The following EIF4E1B variants were observed in gnomAD, a reference collection of about 807,000 sequenced individuals.
EIF4E1B encodes the protein eukaryotic translation initiation factor 4E type 1B.
A neutral mutation model predicts 31.3 loss-of-function variants in EIF4E1B; 22 were observed. That is an observed-to-expected ratio of 0.70 (90% CI 0.50 to 1.00). The LOEUF (loss-of-function observed/expected upper bound fraction) is 1.00, where lower values mean the gene tolerates loss of function less well. Among genes scored for constraint, EIF4E1B ranks in the 50% least tolerant of loss-of-function variants. The pLI is 0.00. For synonymous variants in EIF4E1B, 126 were observed against 120.2 expected (o/e 1.05, Z -0.31); for missense variants, 290 against 311.6 (o/e 0.93, Z 0.52).
intron 1 of EIF4E1B, chr5:176,641,747 T>G (rs1760582836): frequency 6.6e-6 from 1 of 152,488 alleles, no homozygotes; most frequent in Admixed American, 6.5e-5. Context: ...AGCAGGGCCT[T>G]TTATACGTCT....
rs1430765317 is a variant in EIF4E1B, at chr5:176,644,482, G to A, written c.360+43G>A. ...CTTTCCCTCCCGCAAAGGGACAAGG[G>A]GTTGATCCCTCCCGGACTCCACTGC... On this transcript the variant is annotated intron_variant, in intron 6 of 8. Transcript: ENST00000318682. 5.1e-6 allele frequency: 8 copies of A among 1,554,960 alleles called. No individual in the cohort carries two copies. The South Asian group carries it at 8.3e-5, about 16-fold the overall frequency.
At position 176,645,392 on chromosome 5, in the gene EIF4E1B, G is replaced by T. The variant is rs773730956; in HGVS notation, c.490G>T (p.Gly164Trp). The change falls in exon 8 of 9, where the codon GGG (glycine) becomes TGG (tryptophan). Residue 164 changes from glycine (G) to tryptophan (W), a missense_variant. Physicochemically the swap from Gly to Trp is radical, Grantham distance 184. Coordinates refer to ENST00000318682, the MANE Select transcript of EIF4E1B (RefSeq NM_001099408.2). The surrounding 1 kb of genome is among the most constrained non-coding windows in gnomAD (Gnocchi z 5.4). ...LWLETLLCLI[G>W]ESFEEHSREV... Reference sequence around the variant, plus strand: ...TCGGGTCCAGCTGCTGTGTCTGATCGGGGAGAGCTTTGAGGAACACAGCAG... The same window carrying T: ...TCGGGTCCAGCTGCTGTGTCTGATCTGGGAGAGCTTTGAGGAACACAGCAG... 3 of 1,529,740 alleles carry T rather than the reference G, an allele frequency of 2.0e-6. No individual in the cohort carries two copies. Among genetic ancestry groups the T allele is most frequent in the South Asian group, 1.3e-5 (1 of 77,824 alleles). 94.8% of individuals were successfully genotyped at this position (1,529,740 alleles called of 1,614,324 possible). A position where few individuals can be genotyped will look rare whatever the true frequency, so the allele number is the denominator to read the frequency against.
chr5:176,645,389 A>T lies in EIF4E1B; in HGVS notation c.487A>T (p.Ile163Phe), dbSNP rs974918867. 2 of 1,529,576 alleles carry T rather than the reference A, an allele frequency of 1.3e-6. No homozygotes were observed. Among genetic ancestry groups the T allele is most frequent in the Middle Eastern group, 1.8e-4 (1 of 5,706 alleles). 94.8% of individuals were successfully genotyped at this position (1,529,576 alleles called of 1,614,324 possible). A position where few individuals can be genotyped will look rare whatever the true frequency, so the allele number is the denominator to read the frequency against. Reference sequence around the variant, plus strand: ...ACTTCGGGTCCAGCTGCTGTGTCTGATCGGGGAGAGCTTTGAGGAACACAG... The same window carrying T: ...ACTTCGGGTCCAGCTGCTGTGTCTGTTCGGGGAGAGCTTTGAGGAACACAG... Reference protein sequence around the residue: ...RLWLETLLCLIGESFEEHSRE... With the variant: ...RLWLETLLCLFGESFEEHSRE... The change falls in exon 8 of 9, where the codon ATC becomes TTC. Residue 163 changes from isoleucine to phenylalanine, a missense_variant. Ile to Phe is a conservative substitution (Grantham distance 21). Transcript: ENST00000318682. The surrounding 1 kb of genome is among the most constrained non-coding windows in gnomAD (Gnocchi z 5.4).
rs574266946 is a variant in EIF4E1B, at chr5:176,643,752, G to C, written c.296+18G>C. 2 of 1,605,726 alleles carry C rather than the reference G, an allele frequency of 1.2e-6. No individual in the cohort carries two copies. Among genetic ancestry groups the C allele is most frequent in the South Asian group, 2.2e-5 (2 of 89,558 alleles). ...TTCTGGGCGTGAGTGTCTGTCCCCA[G>C]TGGGGCTAGAGTTGGGGGGCTCTGA... On this transcript the variant is annotated intron_variant, in intron 5 of 8. Transcript: ENST00000318682.
intron 1 of EIF4E1B, among the ~76,000 whole-genome samples, chr5:176,640,557 C>G (rs1760556524): frequency 6.6e-6 from 1 of 152,206 alleles, no homozygotes; most frequent in Admixed American, 6.5e-5. Context: ...TATCATCTCT[C>G]CATCTTCTCT....
chr5:176,644,947 G>C (rs569703985), intron 6 of EIF4E1B, among the ~76,000 whole-genome samples, 183 bp from the exon 7 acceptor site: 2 of 152,340 alleles, frequency 1.3e-5, no homozygotes, highest in Non-Finnish European at 2.9e-5. Context: ...AAGGTGACCA[G>C]TGCTGTCTGT....
At chr5:176,642,607 C>A in intron 2 of EIF4E1B, 103 bp from the exon 3 acceptor site, 2 of 950,012 alleles carry the variant, frequency 2.1e-6, no homozygotes, top group Non-Finnish European at 3.1e-6. Context: ...TCTGCTTCTG[C>A]CATCGGCAGG....
intron 2 of EIF4E1B, 131 bp downstream of exon 2, chr5:176,642,296 T>C (rs918300575): frequency 3.3e-5 from 5 of 153,408 alleles, no homozygotes; most frequent in African/African-American, 1.2e-4. Context: ...TGAATCTTAG[T>C]ATAAAACCCC....
chr5:176,646,180 T>G lies in EIF4E1B; in HGVS notation c.*200T>G. On this transcript the variant is annotated 3_prime_UTR_variant, in exon 9 of 9. Transcript: ENST00000318682. Reference sequence around the variant, plus strand: ...GGGTAGTGGTGGCAGTCTGAGGACCTAGCTTGTCCTGGGGCCACAGGACAG... The same window carrying G: ...GGGTAGTGGTGGCAGTCTGAGGACCGAGCTTGTCCTGGGGCCACAGGACAG... The G allele has an allele frequency of 1.8e-6, 1 of 542,770 alleles. No homozygotes were observed. The highest frequency in any genetic ancestry group is 3.0e-5 in the East Asian group (1 of 33,700). 33.6% of individuals were successfully genotyped at this position (542,770 alleles called of 1,614,324 possible).
rs1417324570 is a variant in EIF4E1B, at chr5:176,642,054, G to A, written c.-190G>A. ...TTTTCATTTTACAGATGGGGAAACT[G>A]ACTCGATGAAGCTCAGGCCTGGCCG... On this transcript the variant is annotated 5_prime_UTR_variant, in exon 2 of 9. Transcript: ENST00000318682. 6.5e-6 allele frequency: 1 copy of A among 152,688 alleles called. No individual in the cohort carries two copies. The highest frequency in any genetic ancestry group is 1.5e-5 in the Non-Finnish European group (1 of 68,072). 9.5% of individuals were successfully genotyped at this position (152,688 alleles called of 1,614,324 possible).
chr5:176,637,579 G>T (rs531254819), intron 1 of EIF4E1B, among the ~76,000 whole-genome samples: 10 of 152,336 alleles, frequency 6.6e-5, no homozygotes, highest in Admixed American at 6.5e-4. Flanking sequence ...ACTGGGCTGA[G>T]GGGGGTTGGA....
chr5:176,646,014 C>A lies in EIF4E1B; in HGVS notation c.*34C>A. 6.5e-7 allele frequency: 1 copy of A among 1,534,800 alleles called. No individual in the cohort carries two copies. The highest frequency in any genetic ancestry group is 8.9e-7 in the Non-Finnish European group (1 of 1,128,738). On this transcript the variant is annotated 3_prime_UTR_variant, in exon 9 of 9. Coordinates refer to ENST00000318682, the MANE Select transcript of EIF4E1B (RefSeq NM_001099408.2). ...TTGGCACCCCTCCTATGTAATGGGA[C>A]AGCCGCCACTGAGCCTCATTACTTT... is the stretch of plus-strand genomic sequence containing the variant.
Position 176,640,476 on chromosome 5 carries a change from C to T in EIF4E1B, c.-201-1567C>T, listed in dbSNP as rs1384223618. On this transcript the variant is annotated intron_variant, in intron 1 of 8. Coordinates refer to ENST00000318682, the MANE Select transcript of EIF4E1B (RefSeq NM_001099408.2). Reference sequence around the variant, plus strand: ...AGCAATAGATAAGTGGGACACAGTGCTTCACCCCTCCAGGGCCTATCTATC... The same window carrying T: ...AGCAATAGATAAGTGGGACACAGTGTTTCACCCCTCCAGGGCCTATCTATC... 2.3e-4 allele frequency among the ~76,000 whole-genome samples: 35 copies of T among 152,198 alleles called. 1 individual carries two copies.
rs545003292 is a variant in EIF4E1B at position 176,646,176 on chromosome 5, G to A, written c.*196G>A. The A allele has an allele frequency of 7.2e-6, 4 of 555,530 alleles. No individual in the cohort carries two copies. The Admixed American group carries it at 1.2e-4, about 17-fold the overall frequency. 34.4% of individuals were successfully genotyped at this position (555,530 alleles called of 1,614,324 possible). Reference sequence around the variant, plus strand: ...ATGGGGGTAGTGGTGGCAGTCTGAGGACCTAGCTTGTCCTGGGGCCACAGG... The same window carrying A: ...ATGGGGGTAGTGGTGGCAGTCTGAGAACCTAGCTTGTCCTGGGGCCACAGG... On this transcript the variant is annotated 3_prime_UTR_variant, in exon 9 of 9. Transcript: ENST00000318682.
At chr5:176,637,026 C>T (rs764577135) in intron 1 of EIF4E1B, among the ~76,000 whole-genome samples, 1 of 152,238 alleles carries the variant, frequency 6.6e-6, no homozygotes, top group Non-Finnish European at 1.5e-5. Context: ...TTGTAAAAGT[C>T]GTCAGCGACA....
At chr5:176,642,865 C>CCCCCTG in intron 3 of EIF4E1B, 63 bp downstream of exon 3, 1 of 1,169,744 alleles carries the variant, frequency 8.5e-7, no homozygotes, top group Non-Finnish European at 1.1e-6. Context: ...CCCCCCCCCC[C>CCCCCTG]GCCCCAGGTG....
chr5:176,631,780 G>A (rs773862047), intron 1 of EIF4E1B, among the ~76,000 whole-genome samples: 18 of 152,132 alleles, frequency 1.2e-4, no homozygotes, highest in Non-Finnish European at 2.2e-4. Flanking sequence ...AAATGCATGC[G>A]CCTTTGGAGC....
chr5:176,642,851 TC>T (rs756296646), intron 3 of EIF4E1B, 49 bp downstream of exon 3: 11,134 of 984,412 alleles, frequency 0.011, 52 homozygotes, highest in African/African-American at 0.078. Context: ...CCCCGCCCTC[TC>T]CCCCCCCCCC....
chr5:176,642,587 T>C, intron 2 of EIF4E1B, 123 bp from the exon 3 acceptor site: 2 of 752,348 alleles, frequency 2.7e-6, no homozygotes, highest in African/African-American at 1.8e-5. Context: ...CCCACGGCCA[T>C]GTCAGTGTCT....
Sources: allele counts gnomAD v4.1 joint callset (sites outside exome capture counted in the v4.1 genomes callset), GRCh38; gene constraint gnomAD v4.1.1; non-coding constraint Gnocchi (gnomAD v3.1); transcripts MANE v1.5; gene names NCBI Gene and HGNC (gene_info 2026-07-23, HGNC 2026-07-21).